Variants in RIMBP2 observed in about 807,000 individuals in gnomAD.
RIMBP2 encodes RIMS binding protein 2.
Under a neutral mutation model 118.6 loss-of-function variants are expected in RIMBP2, and 48 were observed. The observed-to-expected ratio is 0.40, with a 90% CI of 0.32 to 0.51. RIMBP2 has a LOEUF of 0.51. Among genes scored for constraint, RIMBP2 ranks in the 20% least tolerant of loss-of-function variants. The pLI is 0.41. For missense variants in RIMBP2, 1,551 were observed against 1,768.3 expected (o/e 0.88, Z 2.20); for synonymous variants, 762 against 742.9 (o/e 1.03, Z -0.42).
At chr12:130,700,603 C>G (rs1243300489) in intron 1 of RIMBP2, among the ~76,000 whole-genome samples, 2 of 152,154 alleles carry the variant, frequency 1.3e-5, no homozygotes, top group African/African-American at 2.4e-5. Context: ...CTGGCCACAG[C>G]CAAGGAACAC....
At chr12:130,677,486 A>C (rs2064548876) in intron 1 of RIMBP2, among the ~76,000 whole-genome samples, 1 of 152,016 alleles carries the variant, frequency 6.6e-6, no homozygotes, top group Admixed American at 6.6e-5. Context: ...AAATTAGCTC[A>C]GGGTGGTGGC....
intron 2 of RIMBP2, among the ~76,000 whole-genome samples, chr12:130,537,844 C>T (rs1006727369): frequency 6.6e-6 from 1 of 152,208 alleles, no homozygotes; most frequent in Non-Finnish European, 1.5e-5. Context: ...TATGTCAGCG[C>T]TCAGGTCTAA....
At chr12:130,715,672 G>T (rs980256478) in intron 1 of RIMBP2, among the ~76,000 whole-genome samples, 63 of 152,316 alleles carry the variant, frequency 4.1e-4, no homozygotes, top group African/African-American at 1.4e-3. Context: ...TGAATTGACA[G>T]ATTCCTGGGC....
intron 2 of RIMBP2, among the ~76,000 whole-genome samples, chr12:130,537,657 C>T (rs901418001): frequency 6.6e-6 from 1 of 152,210 alleles, no homozygotes; most frequent in Admixed American, 6.5e-5. Context: ...CTGTTCACCT[C>T]ATGCAGAATT....
intron 1 of RIMBP2, among the ~76,000 whole-genome samples, chr12:130,673,268 C>T (rs560763258): frequency 1.3e-5 from 2 of 152,352 alleles, no homozygotes; most frequent in South Asian, 4.1e-4. Context: ...CTGCCAACCT[C>T]ATCCTGGATC....
intron 2 of RIMBP2, among the ~76,000 whole-genome samples, chr12:130,522,957 T>C (rs764396808): frequency 2.0e-5 from 3 of 152,018 alleles, no homozygotes; most frequent in Non-Finnish European, 4.4e-5. Flanking sequence ...CCTGCCTCTC[T>C]TTCCCCCTCT....
rs1462395244 is a variant in RIMBP2, at chr12:130,623,193, C to T, written c.-217+5129G>A. 1.3e-5 allele frequency among the ~76,000 whole-genome samples: 2 copies of T among 152,208 alleles called. No homozygotes were observed. The highest frequency in any genetic ancestry group is 4.8e-5 in the African/African-American group (2 of 41,442). On this transcript the variant is annotated intron_variant, in intron 2 of 22. Coordinates refer to ENST00000690449, the MANE Select transcript of RIMBP2 (RefSeq NM_001393629.1). The surrounding 1 kb of genome is among the most constrained non-coding windows in gnomAD (Gnocchi z 4.1). ...TAAAAAGCATATTATGATGAACACA[C>T]ACATGTATTCCCCTTTAGCTTTTTC... is the stretch of plus-strand genomic sequence containing the variant.
At chr12:130,529,382 A>G (rs1254330042) in intron 2 of RIMBP2, among the ~76,000 whole-genome samples, 5 of 152,230 alleles carry the variant, frequency 3.3e-5, no homozygotes, top group Non-Finnish European at 1.5e-5. Context: ...GTTCACATGT[A>G]TGATTCCACA....
At chr12:130,671,304 G>A (rs1054545646) in intron 1 of RIMBP2, among the ~76,000 whole-genome samples, 16 of 152,320 alleles carry the variant, frequency 1.1e-4, no homozygotes, top group Admixed American at 6.5e-4. Flanking sequence ...GTCAGATGCC[G>A]TCATTCCTCA....
intron 6 of RIMBP2, 95 bp from the exon 7 acceptor site, chr12:130,456,795 G>C: frequency 1.2e-6 from 1 of 857,988 alleles, no homozygotes; most frequent in Middle Eastern, 2.2e-4. Flanking sequence ...GTGCACATGT[G>C]CACTGTGTGC....
rs1279684581 is a variant in RIMBP2 at position 130,576,908 on chromosome 12, G to A, written c.-217+51414C>T. On this transcript the variant is annotated intron_variant, in intron 2 of 22. Coordinates refer to ENST00000690449, the MANE Select transcript of RIMBP2 (RefSeq NM_001393629.1). This position sits in a 1 kb window ranked among gnomAD's most constrained non-coding sequence, Gnocchi z 4.2. ...ACAGTGTGGCAGGAGTCGCGGGGTG[G>A]AACAGGAACTTCTGGACAGAGATGG... 6.6e-6 allele frequency among the ~76,000 whole-genome samples: 1 copy of A among 152,198 alleles called. No individual in the cohort carries two copies. The highest frequency in any genetic ancestry group is 1.9e-4 in the East Asian group (1 of 5,182).
intron 2 of RIMBP2, among the ~76,000 whole-genome samples, chr12:130,603,635 C>T (rs974521363): frequency 1.6e-4 from 24 of 152,160 alleles, no homozygotes; most frequent in Non-Finnish European, 3.2e-4. Flanking sequence ...ACAATGTTTC[C>T]GTCAAGGAGG....
intron 2 of RIMBP2, among the ~76,000 whole-genome samples, chr12:130,595,696 C>T (rs956635572): frequency 7.9e-5 from 12 of 152,178 alleles, no homozygotes; most frequent in Admixed American, 6.5e-5. Flanking sequence ...CGTGCACTCA[C>T]AGCAGAGGGA....
chr12:130,501,666 A>G (rs2049797015), intron 4 of RIMBP2, among the ~76,000 whole-genome samples: 2 of 152,254 alleles, frequency 1.3e-5, no homozygotes. Context: ...CCTGGTTTAA[A>G]TACGACTTCG....
At position 130,474,717 on chromosome 12, in the gene RIMBP2, G is replaced by A. The variant is rs536254681; in HGVS notation, c.103-3974C>T. ...CTGGCTTTGGCACGGTCCAGGGAGA[G>A]GAGGAAGCAGCTGCAGCATGGGGAG... On this transcript the variant is annotated intron_variant, in intron 5 of 22. Coordinates refer to ENST00000690449, the MANE Select transcript of RIMBP2 (RefSeq NM_001393629.1). Among the ~76,000 whole-genome samples, 86 of 152,332 alleles carry A rather than the reference G, an allele frequency of 5.6e-4. 1 individual carries two copies. The South Asian group carries it at 0.017, about 31-fold the overall frequency.
chr12:130,518,359 C>A (rs771555363), intron 2 of RIMBP2, among the ~76,000 whole-genome samples: 1 of 152,144 alleles, frequency 6.6e-6, no homozygotes, highest in African/African-American at 2.4e-5. Flanking sequence ...ATGGCTAGAC[C>A]ACAATGTGGT....
chr12:130,483,185 G>A (rs547727194), intron 4 of RIMBP2, among the ~76,000 whole-genome samples: 11 of 123,166 alleles, frequency 8.9e-5, no homozygotes, highest in African/African-American at 3.0e-4. Flanking sequence ...CACTGTGTGT[G>A]TACATGTGTC....
chr12:130,525,907 A>G lies in RIMBP2; in HGVS notation c.-216-7990T>C, dbSNP rs1305079661. On this transcript the variant is annotated intron_variant, in intron 2 of 22. Coordinates refer to ENST00000690449, the MANE Select transcript of RIMBP2 (RefSeq NM_001393629.1). This position sits in a 1 kb window ranked among gnomAD's most constrained non-coding sequence, Gnocchi z 4.4. ...AATTCAAGCTCAAGGAGGTTAAGTAACTGAGCGAGCAGCCTCCCCCGAGCA... is the reference window on the plus strand; with the variant it reads ...AATTCAAGCTCAAGGAGGTTAAGTAGCTGAGCGAGCAGCCTCCCCCGAGCA... Among the ~76,000 whole-genome samples, 1 of 152,110 alleles carries G rather than the reference A, an allele frequency of 6.6e-6. No individual in the cohort carries two copies. The highest frequency in any genetic ancestry group is 1.5e-5 in the Non-Finnish European group (1 of 68,014).
intron 2 of RIMBP2, among the ~76,000 whole-genome samples, chr12:130,562,861 G>A (rs535274325): frequency 6.6e-6 from 1 of 152,318 alleles, no homozygotes; most frequent in East Asian, 1.9e-4. Context: ...GAATTCCACT[G>A]GGCACATTCA....
Sources: allele counts gnomAD v4.1 joint callset (sites outside exome capture counted in the v4.1 genomes callset), GRCh38; gene constraint gnomAD v4.1.1; non-coding constraint Gnocchi (gnomAD v3.1); transcripts MANE v1.5; gene names NCBI Gene and HGNC (gene_info 2026-07-23, HGNC 2026-07-21).